The following SHISA6 variants were observed in gnomAD, a reference collection of about 807,000 sequenced individuals.
The protein encoded by SHISA6 is protein shisa-6.
Under a neutral mutation model 47.9 loss-of-function variants are expected in SHISA6, and 22 were observed. The ratio of observed to expected loss-of-function variants is 0.46; its 90% CI spans 0.33 to 0.66. The LOEUF (loss-of-function observed/expected upper bound fraction) is 0.66, where lower values mean the gene tolerates loss of function less well. SHISA6 is among the 30% of genes least tolerant of loss of function. The pLI is 0.02. For missense variants in SHISA6, 680 were observed against 764.6 expected, an observed-to-expected ratio of 0.89 and a Z score of 1.30; for synonymous variants, 388 against 337.8, an observed-to-expected ratio of 1.15 and a Z score of -1.63.
At position 11,388,790 on chromosome 17, in the gene SHISA6, T is replaced by C. The variant is rs543605376; in HGVS notation, c.895+9281T>C. On this transcript the variant is annotated intron_variant, in intron 3 of 5. Transcript: ENST00000441885. ...ACAGAACTACTGTTCAAACAAAAGT[T>C]TATATATATATATATATATATATAT... is the stretch of plus-strand genomic sequence containing the variant. Among the ~76,000 whole-genome samples, 9 of 50,018 alleles carry C rather than the reference T, an allele frequency of 1.8e-4. No homozygotes were observed. The South Asian group carries it at 6.3e-3, about 35-fold the overall frequency. 32.8% of individuals were successfully genotyped at this position (50,018 alleles called of 152,430 possible).
chr17:11,555,140 G>A (rs1176285893), intron 4 of SHISA6, among the ~76,000 whole-genome samples: 3 of 152,106 alleles, frequency 2.0e-5, no homozygotes, highest in African/African-American at 7.2e-5. Flanking sequence ...ATTAGAGTAA[G>A]ATAAAATAGC....
chr17:11,295,906 G>A (rs1450978231), intron 2 of SHISA6, among the ~76,000 whole-genome samples: 1 of 145,304 alleles, frequency 6.9e-6, no homozygotes, highest in Non-Finnish European at 1.5e-5. Context: ...GAGGTTGCAA[G>A]TGAGCTGAGA....
intron 2 of SHISA6, among the ~76,000 whole-genome samples, chr17:11,359,274 T>G (rs1912184169): frequency 1.3e-5 from 2 of 152,236 alleles, no homozygotes; most frequent in East Asian, 1.9e-4. Context: ...TCATTTTTTC[T>G]TATTAAATTT....
At position 11,263,538 on chromosome 17, in the gene SHISA6, C is replaced by G. The variant is rs553922279; in HGVS notation, c.799+12C>G. 2.6e-6 allele frequency: 4 copies of G among 1,551,562 alleles called. No homozygotes were observed. In the South Asian group the frequency reaches 4.8e-5, roughly 18 times the overall value. ...CAAGCAGACTCCAGGTAAGTAACAGCTGGGCACCTTGATTCTTTGCTGAGG... is the reference window on the plus strand; with the variant it reads ...CAAGCAGACTCCAGGTAAGTAACAGGTGGGCACCTTGATTCTTTGCTGAGG... On this transcript the variant is annotated intron_variant, in intron 2 of 5. Coordinates refer to ENST00000441885, the MANE Select transcript of SHISA6 (RefSeq NM_207386.4).
intron 2 of SHISA6, among the ~76,000 whole-genome samples, chr17:11,321,662 G>T (rs1180519998): frequency 6.6e-6 from 1 of 151,936 alleles, no homozygotes; most frequent in Non-Finnish European, 1.5e-5. Flanking sequence ...TTTCTAGCTG[G>T]TCCCTCCGTT....
intron 3 of SHISA6, among the ~76,000 whole-genome samples, chr17:11,390,288 T>A (rs1913340569): frequency 6.6e-6 from 1 of 152,210 alleles, no homozygotes; most frequent in African/African-American, 2.4e-5. Context: ...TTGACATTCA[T>A]CTATATAATA....
At chr17:11,481,980 C>G (rs916786516) in intron 3 of SHISA6, among the ~76,000 whole-genome samples, 1 of 151,878 alleles carries the variant, frequency 6.6e-6, no homozygotes, top group Admixed American at 6.6e-5. Context: ...GATGCAGAAG[C>G]GAAAGGACTA....
At chr17:11,473,089 A>G (rs1471917656) in intron 3 of SHISA6, among the ~76,000 whole-genome samples, 1 of 152,190 alleles carries the variant, frequency 6.6e-6, no homozygotes, top group Non-Finnish European at 1.5e-5. Context: ...TCTTTGGCAT[A>G]TATTTCCTCC....
At chr17:11,394,332 A>G (rs1480289389) in intron 3 of SHISA6, among the ~76,000 whole-genome samples, 1 of 152,122 alleles carries the variant, frequency 6.6e-6, no homozygotes, top group African/African-American at 2.4e-5. Flanking sequence ...GTACCTGTAA[A>G]TTTTTGAGAA....
At chr17:11,541,763 G>A (rs1273980349) in intron 3 of SHISA6, among the ~76,000 whole-genome samples, 2 of 152,082 alleles carry the variant, frequency 1.3e-5, no homozygotes, top group African/African-American at 4.8e-5. Context: ...AGGGAGTGAG[G>A]ACACAACCAG....
chr17:11,245,462 C>T (rs542688373), intron 1 of SHISA6, among the ~76,000 whole-genome samples: 116 of 152,352 alleles, frequency 7.6e-4, no homozygotes, highest in Middle Eastern at 3.4e-3. Flanking sequence ...GCATGGGCTG[C>T]ACCCAGGAAA....
chr17:11,463,858 C>T (rs1468174456), intron 3 of SHISA6, among the ~76,000 whole-genome samples: 1 of 152,250 alleles, frequency 6.6e-6, no homozygotes, highest in African/African-American at 2.4e-5. Context: ...TAAATACATG[C>T]AAAGCACCTG....
chr17:11,353,465 A>T (rs1911968422), intron 2 of SHISA6, among the ~76,000 whole-genome samples: 1 of 151,948 alleles, frequency 6.6e-6, no homozygotes, highest in Non-Finnish European at 1.5e-5. Flanking sequence ...AAAAAAAAAA[A>T]AAAAAGGGTG....
intron 1 of SHISA6, among the ~76,000 whole-genome samples, chr17:11,261,148 G>A (rs1349670233): frequency 6.6e-6 from 1 of 152,126 alleles, no homozygotes; most frequent in Non-Finnish European, 1.5e-5. Flanking sequence ...GGGAGGGGGA[G>A]TAGGCAGAGG....
At chr17:11,419,014 G>T (rs1914370193) in intron 3 of SHISA6, among the ~76,000 whole-genome samples, 1 of 151,874 alleles carries the variant, frequency 6.6e-6, no homozygotes, top group African/African-American at 2.4e-5. Context: ...TCAAGAATAT[G>T]TGATTAACAT....
chr17:11,263,872 A>T (rs1908334068), intron 2 of SHISA6, among the ~76,000 whole-genome samples: 2 of 152,148 alleles, frequency 1.3e-5, no homozygotes. Context: ...GCTGAGTAGG[A>T]TGCTAGATAT....
At chr17:11,384,719 C>T (rs907319172) in intron 3 of SHISA6, among the ~76,000 whole-genome samples, 10 of 152,162 alleles carry the variant, frequency 6.6e-5, no homozygotes, top group Non-Finnish European at 1.3e-4. Flanking sequence ...TACAGGTCCC[C>T]ATGGAGGTGA....
chr17:11,310,621 T>A (rs181987234), intron 2 of SHISA6, among the ~76,000 whole-genome samples: 1 of 152,118 alleles, frequency 6.6e-6, no homozygotes, highest in Non-Finnish European at 1.5e-5. Context: ...CTAAATGAGA[T>A]GGGAAGCTCT....
chr17:11,488,554 G>A (rs1916405732), intron 3 of SHISA6, among the ~76,000 whole-genome samples: 1 of 152,152 alleles, frequency 6.6e-6, no homozygotes, highest in African/African-American at 2.4e-5. Context: ...AATGCTTGGA[G>A]TACTGGGCTT....
Sources: gnomAD v4.1 joint callset for allele counts (sites outside exome capture counted in the v4.1 genomes callset) on GRCh38, gnomAD v4.1.1 for gene constraint, MANE v1.5 for transcripts, NCBI Gene and HGNC (gene_info 2026-07-23, HGNC 2026-07-21) for gene names.